The following ANXA4 variants were observed in gnomAD, a reference collection of about 807,000 sequenced individuals.
ANXA4 encodes the protein 35-beta calcimedin.
ANXA4 carries 39 observed loss-of-function variants against 49.8 expected under a neutral mutation model. The observed-to-expected ratio is 0.78, with a 90% CI of 0.61 to 1.02. The LOEUF (loss-of-function observed/expected upper bound fraction) is 1.02, where lower values mean the gene tolerates loss of function less well. ANXA4 is among the 50% of genes least tolerant of loss of function. ANXA4 has a pLI of 0.00. For synonymous variants in ANXA4, 134 were observed against 152.5 expected (o/e 0.88, Z 0.89); for missense variants, 360 against 410.1 (o/e 0.88, Z 1.05).
chr2:69,700,564 C>G (rs1207722182), intron 2 of ANXA4, among the ~76,000 whole-genome samples: 3 of 152,192 alleles, frequency 2.0e-5, no homozygotes, highest in African/African-American at 4.8e-5. Context: ...CATACATACA[C>G]AACACACACT....
chr2:69,739,544 T>C (rs1165682748), upstream of ANXA4, among the ~76,000 whole-genome samples: 1 of 151,794 alleles, frequency 6.6e-6, no homozygotes, highest in Non-Finnish European at 1.5e-5. Flanking sequence ...TAGCTGGGAC[T>C]AGAGGCGTGC....
intron 2 of ANXA4, among the ~76,000 whole-genome samples, chr2:69,718,589 T>A (rs1199403902): frequency 6.6e-6 from 1 of 152,214 alleles, no homozygotes; most frequent in Non-Finnish European, 1.5e-5. Context: ...GCTCCAGGGC[T>A]TTATACCTGC....
chr2:69,807,986 C>G lies in ANXA4; in HGVS notation c.387C>G (p.Thr129=). ...AGGAGATCCGGCGCATAAGCCAAACCTACCAGCAGCGTACGTGACATCCGC... is the reference window on the plus strand; with the variant it reads ...AGGAGATCCGGCGCATAAGCCAAACGTACCAGCAGCGTACGTGACATCCGC... ...TPEEIRRISQ[T]YQQQYGRSLE... is the part of the protein sequence containing the mutation. Residue 129 remains threonine (T), a synonymous_variant, in exon 6 of 13, where the codon ACC becomes ACG. Coordinates refer to ENST00000394295, the MANE Select transcript of ANXA4 (RefSeq NM_001153.5). 6.2e-7 allele frequency: 1 copy of G among 1,614,126 alleles called. No individual in the cohort carries two copies. Among genetic ancestry groups the G allele is most frequent in the Non-Finnish European group, 8.5e-7 (1 of 1,179,978 alleles).
At chr2:69,770,987 G>A (rs907641161) in intron 1 of ANXA4, among the ~76,000 whole-genome samples, 2 of 150,982 alleles carry the variant, frequency 1.3e-5, no homozygotes, top group African/African-American at 4.9e-5. Flanking sequence ...CCAGCTACTC[G>A]GGAGGCTGAG....
chr2:69,671,795 G>C (rs1677202520), intron 2 of ANXA4, among the ~76,000 whole-genome samples: 1 of 152,140 alleles, frequency 6.6e-6, no homozygotes, highest in Non-Finnish European at 1.5e-5. Context: ...CTCATTCATA[G>C]TCAGGGAAAT....
At chr2:69,645,653 A>G (rs1435945854) in intron 1 of ANXA4, among the ~76,000 whole-genome samples, 1 of 152,222 alleles carries the variant, frequency 6.6e-6, no homozygotes, top group Non-Finnish European at 1.5e-5. Flanking sequence ...AAAAACTCCC[A>G]ATATGCTTAA....
upstream of ANXA4, among the ~76,000 whole-genome samples, chr2:69,737,739 C>T (rs960550319): frequency 5.3e-5 from 8 of 152,168 alleles, no homozygotes; most frequent in Admixed American, 3.3e-4. Context: ...GCAGGGACTA[C>T]AGGCTCATGT....
chr2:69,755,968 T>A (rs1456548463), intron 1 of ANXA4, among the ~76,000 whole-genome samples: 1 of 152,258 alleles, frequency 6.6e-6, no homozygotes, highest in Non-Finnish European at 1.5e-5. Context: ...TATATCTGTG[T>A]GGTGAAACTA....
chr2:69,724,982 T>G (rs1207978163), intron 3 of ANXA4, among the ~76,000 whole-genome samples: 1 of 152,228 alleles, frequency 6.6e-6, no homozygotes, highest in African/African-American at 2.4e-5. Flanking sequence ...TCAAGAAATT[T>G]TATTGAGTGG....
chr2:69,654,642 A>T (rs1010551398), intron 2 of ANXA4, among the ~76,000 whole-genome samples: 1 of 152,200 alleles, frequency 6.6e-6, no homozygotes, highest in African/African-American at 2.4e-5. Context: ...AGCTGACTTG[A>T]TCATGGCAGA....
rs2103820175 is a variant in ANXA4, at chr2:69,806,474, G to A, written c.282G>A (p.Val94=). The change falls in exon 5 of 13, where the codon GTG becomes GTA. Residue 94 remains valine (V), a synonymous_variant. Transcript: ENST00000394295. ...GMMTPTVLYD[V]QELRRAMKGA... ...TGACGCCCACGGTGCTGTATGACGT[G>A]CAAGAGCTGCGAAGGGCCATGAAGG... The A allele has an allele frequency of 1.9e-6, 3 of 1,614,082 alleles. No individual in the cohort carries two copies. In the East Asian group the frequency reaches 6.7e-5, roughly 36 times the overall value.
intron 1 of ANXA4, among the ~76,000 whole-genome samples, chr2:69,758,320 C>A (rs1386261784): frequency 6.6e-6 from 1 of 152,088 alleles, no homozygotes; most frequent in African/African-American, 2.4e-5. Context: ...ACCCCTACTA[C>A]TAAGGTTAAA....
intron 2 of ANXA4, among the ~76,000 whole-genome samples, chr2:69,709,859 C>T (rs1247243182): frequency 2.6e-5 from 4 of 152,196 alleles, no homozygotes; most frequent in Non-Finnish European, 2.9e-5. Flanking sequence ...ATGACACTTT[C>T]CCCCTTTTTA....
At chr2:69,762,147 C>T (rs905763368) in intron 1 of ANXA4, among the ~76,000 whole-genome samples, 2 of 152,200 alleles carry the variant, frequency 1.3e-5, no homozygotes, top group African/African-American at 4.8e-5. Context: ...TTTAGTTTCT[C>T]AGTCTCTCTA....
chr2:69,747,313 G>C lies in ANXA4; in HGVS notation c.-47+5138G>C, dbSNP rs563400336. ...AAGTTCTCCTGATTTATATGCGATT[G>C]AACCATATTCCCTGGAGTAGGTCCT... is the stretch of plus-strand genomic sequence containing the variant. On this transcript the variant is annotated intron_variant, in intron 1 of 12. Transcript: ENST00000394295. Among the ~76,000 whole-genome samples the C allele has an allele frequency of 2.0e-5, 3 of 152,290 alleles. No homozygotes were observed. In the East Asian group the frequency reaches 5.8e-4, roughly 29 times the overall value.
intron 1 of ANXA4, among the ~76,000 whole-genome samples, chr2:69,652,801 G>T (rs1336863170): frequency 6.6e-6 from 1 of 152,190 alleles, no homozygotes; most frequent in Non-Finnish European, 1.5e-5. Flanking sequence ...GGAGGTTGTG[G>T]TGAACCCAGA....
chr2:69,711,891 A>G (rs1461846701), intron 2 of ANXA4, among the ~76,000 whole-genome samples: 1 of 152,030 alleles, frequency 6.6e-6, no homozygotes. Context: ...GAGAGAAAAG[A>G]GACATAGAGA....
intron 8 of ANXA4, chr2:69,815,657 C>G (rs1257735866): frequency 6.4e-6 from 1 of 156,834 alleles, no homozygotes; most frequent in Non-Finnish European, 1.4e-5. Flanking sequence ...GAGAACATTC[C>G]ACATCTGCAC....
At chr2:69,686,328 G>A (rs186800809) in intron 2 of ANXA4, among the ~76,000 whole-genome samples, 164 of 151,702 alleles carry the variant, frequency 1.1e-3, no homozygotes, top group Non-Finnish European at 5.9e-4. Flanking sequence ...GGGACTACAG[G>A]CACGTGCCAC....
Sources: gnomAD v4.1 joint callset for allele counts (sites outside exome capture counted in the v4.1 genomes callset) on GRCh38, gnomAD v4.1.1 for gene constraint, MANE v1.5 for transcripts, NCBI Gene and HGNC (gene_info 2026-07-23, HGNC 2026-07-21) for gene names.